Variants in NSD2 observed in about 807,000 individuals in gnomAD.
NSD2 encodes nuclear receptor binding SET domain protein 2, also known as histone-lysine N-methyltransferase NSD2.
In NSD2, 12 loss-of-function variants were observed where a neutral mutation model predicts 139.0. The ratio of observed to expected loss-of-function variants is 0.09; its 90% CI spans 0.06 to 0.14. The LOEUF (loss-of-function observed/expected upper bound fraction) is 0.14. Ranked by LOEUF, NSD2 falls within the 10% of genes least tolerant of loss-of-function variation. The pLI is 1.00. For missense variants in NSD2, 1,155 were observed against 1,745.0 expected, an observed-to-expected ratio of 0.66 and a Z score of 6.02; for synonymous variants, 669 against 648.7, an observed-to-expected ratio of 1.03 and a Z score of -0.48.
Position 1,981,710 on chromosome 4 carries a change from A to T in NSD2, c.*2801A>T. 2 of 395,938 alleles carry T rather than the reference A, an allele frequency of 5.1e-6. No homozygotes were observed. Among genetic ancestry groups the T allele is most frequent in the Non-Finnish European group, 8.9e-6 (2 of 224,798 alleles). The allele number at this position is 395,938 out of a possible 1,614,324, so 24.5% of individuals were successfully genotyped here. On this transcript the variant is annotated 3_prime_UTR_variant, in exon 22 of 22. Transcript: ENST00000508803. ...CTTCGCAGTGTTTGTCTGTCTTGAC[A>T]TCTAAACCCCGGCGTGTGCAGTGCC...
At chr4:1,872,282 A>AG (rs1170447426) in intron 1 of NSD2, among the ~76,000 whole-genome samples, 1 of 152,108 alleles carries the variant, frequency 6.6e-6, no homozygotes, top group African/African-American at 2.4e-5. Context: ...CCCTCGCCCC[A>AG]GGATGCAGAT....
At chr4:1,949,081 C>T (rs898258761) in intron 9 of NSD2, among the ~76,000 whole-genome samples, 1 of 152,240 alleles carries the variant, frequency 6.6e-6, no homozygotes, top group Admixed American at 6.5e-5. Context: ...ATGCCCTGTG[C>T]TCCCCTGGCT....
At chr4:1,896,758 CCTT>C (rs1560580797) in intron 1 of NSD2, among the ~76,000 whole-genome samples, 1 of 148,960 alleles carries the variant, frequency 6.7e-6, no homozygotes, top group Non-Finnish European at 1.5e-5. Context: ...TTCTTTCTTT[CCTT>C]CTTTCTTCTC....
intron 1 of NSD2, among the ~76,000 whole-genome samples, chr4:1,872,798 T>TG (rs1468196951): frequency 2.0e-5 from 3 of 152,202 alleles, no homozygotes; most frequent in Admixed American, 6.5e-5. Context: ...CTATTTTGTG[T>TG]ATTTCAAATA....
chr4:1,938,715 A>G (rs1722755221), intron 8 of NSD2, among the ~76,000 whole-genome samples, 183 bp downstream of exon 8: 1 of 151,856 alleles, frequency 6.6e-6, no homozygotes, highest in South Asian at 2.1e-4. Context: ...TTGAAAACTA[A>G]ACTGTTTTAA....
chr4:1,891,390 G>A (rs534744304), intron 1 of NSD2, among the ~76,000 whole-genome samples: 1 of 152,182 alleles, frequency 6.6e-6, no homozygotes, highest in African/African-American at 2.4e-5. Flanking sequence ...AGCTTGGTCC[G>A]TCTCACGGCC....
intron 3 of NSD2, among the ~76,000 whole-genome samples, chr4:1,914,704 C>T (rs554268608): frequency 5.5e-4 from 83 of 152,268 alleles, no homozygotes; most frequent in African/African-American, 1.9e-3. Flanking sequence ...GAAGAATTCC[C>T]CTAGGAATTT....
At chr4:1,939,409 T>C in intron 8 of NSD2, 1 of 531,666 alleles carries the variant, frequency 1.9e-6, no homozygotes, top group Non-Finnish European at 3.4e-6. Context: ...CAGGTATGGA[T>C]AGAGCCACGC....
intron 2 of NSD2, among the ~76,000 whole-genome samples, chr4:1,903,054 C>G (rs891949362): frequency 6.6e-6 from 1 of 152,054 alleles, no homozygotes; most frequent in African/African-American, 2.4e-5. Flanking sequence ...GCCTGTGGTC[C>G]CAGCTACTAG....
intron 3 of NSD2, among the ~76,000 whole-genome samples, chr4:1,906,904 G>C (rs1717993705): frequency 6.6e-6 from 1 of 151,852 alleles, no homozygotes; most frequent in Non-Finnish European, 1.5e-5. Context: ...CAAGTGATCT[G>C]CCCACCTCGG....
At chr4:1,943,152 G>A (rs947755435) in intron 9 of NSD2, 1 of 1,044,060 alleles carries the variant, frequency 9.6e-7, no homozygotes, top group Non-Finnish European at 1.2e-6. Context: ...CTGGTGTCCT[G>A]CCCCAGGTGT....
intron 16 of NSD2, 83 bp from the exon 17 acceptor site, chr4:1,959,388 G>C: frequency 6.5e-7 from 1 of 1,533,450 alleles, no homozygotes; most frequent in Non-Finnish European, 8.9e-7. Context: ...TGGAGGCTGG[G>C]TAAGGAGAGG....
At position 1,980,205 on chromosome 4, in the gene NSD2, T is replaced by C. The variant is rs529771176; in HGVS notation, c.*1296T>C. On this transcript the variant is annotated 3_prime_UTR_variant, in exon 22 of 22. Coordinates refer to ENST00000508803, the MANE Select transcript of NSD2 (RefSeq NM_001042424.3). Reference sequence around the variant, plus strand: ...TCCTGTGAGATTTCACTTTAGTTTTTAAAAGGTCCAGTTCTACAGAGTGAG... The same window carrying C: ...TCCTGTGAGATTTCACTTTAGTTTTCAAAAGGTCCAGTTCTACAGAGTGAG... The C allele has an allele frequency of 8.6e-5, 20 of 233,180 alleles. No homozygotes were observed. The highest frequency in any genetic ancestry group is 1.2e-4 in the Non-Finnish European group (14 of 118,040). The allele number at this position is 233,180 out of a possible 1,614,324, so 14.4% of individuals were successfully genotyped here.
At chr4:1,909,662 A>G (rs115478404) in intron 3 of NSD2, among the ~76,000 whole-genome samples, 1,654 of 148,174 alleles carry the variant, frequency 0.011, 13 homozygotes, top group African/African-American at 0.023. Context: ...TTTCCTGGAG[A>G]TGGAGTCTTG....
At chr4:1,914,645 A>G (rs755636910) in intron 3 of NSD2, among the ~76,000 whole-genome samples, 8 of 152,106 alleles carry the variant, frequency 5.3e-5, no homozygotes, top group African/African-American at 7.2e-5. Flanking sequence ...CTACTTTTCT[A>G]TCTTCACACT....
chr4:1,936,790 A>T (rs1722456808), intron 7 of NSD2, among the ~76,000 whole-genome samples: 1 of 152,240 alleles, frequency 6.6e-6, no homozygotes, highest in Admixed American at 6.5e-5. Flanking sequence ...AAGAATGGAA[A>T]ATACATCTCA....
At chr4:1,872,631 A>AGAGAGAGAGAGAGAGAGAGAGAGAGAGG (rs984225040) in intron 1 of NSD2, among the ~76,000 whole-genome samples, 3 of 133,390 alleles carry the variant, frequency 2.2e-5, no homozygotes, top group East Asian at 2.2e-4. Context: ...AGAGAGAGAG[A>AGAGAGAGAGAGAGAGAGAGAGAGAGAGG]GAGAGCGCGC....
intron 7 of NSD2, among the ~76,000 whole-genome samples, chr4:1,935,597 C>T (rs139908154): frequency 0.01 from 1,566 of 152,242 alleles, 30 homozygotes; most frequent in African/African-American, 0.033. Flanking sequence ...TGGTGGCTTA[C>T]GTCTCTAATC....
At chr4:1,953,575 G>A (rs370031459) in intron 12 of NSD2, 51 bp downstream of exon 12, 21 of 1,540,208 alleles carry the variant, frequency 1.4e-5, no homozygotes, top group Non-Finnish European at 1.7e-5. Context: ...CAGGCCAGAC[G>A]CAGGCCCATG....
Sources: gnomAD v4.1 joint callset for allele counts (sites outside exome capture counted in the v4.1 genomes callset) on GRCh38, gnomAD v4.1.1 for gene constraint, MANE v1.5 for transcripts, NCBI Gene and HGNC (gene_info 2026-07-23, HGNC 2026-07-21) for gene names.